Variants in DAB1 observed in about 807,000 individuals in gnomAD.
The protein encoded by DAB1 is DAB adaptor protein 1, also known as disabled homolog 1.
Under a neutral mutation model 64.6 loss-of-function variants are expected in DAB1, and 15 were observed. The observed-to-expected ratio is 0.23, with a 90% CI of 0.16 to 0.36. DAB1 has a LOEUF of 0.36. DAB1 is among the 10% of genes least tolerant of loss of function. The pLI is 1.00. For synonymous variants in DAB1, 235 were observed against 251.9 expected (o/e 0.93, Z 0.64); for missense variants, 596 against 706.7 (o/e 0.84, Z 1.78).
At chr1:57,799,401 G>A (rs987337426) in intron 6 of DAB1, among the ~76,000 whole-genome samples, 2 of 152,058 alleles carry the variant, frequency 1.3e-5, no homozygotes, top group Non-Finnish European at 2.9e-5. Context: ...TGAAAAGAGT[G>A]GATGGAACTC....
At chr1:58,007,984 T>G (rs1009963746) in intron 5 of DAB1, among the ~76,000 whole-genome samples, 27 of 152,166 alleles carry the variant, frequency 1.8e-4, no homozygotes, top group African/African-American at 6.5e-4. Flanking sequence ...TGTCAAGCAC[T>G]GTGTATGGGA....
At chr1:57,056,622 T>C (rs555053) in intron 9 of DAB1, among the ~76,000 whole-genome samples, 14 of 152,028 alleles carry the variant, frequency 9.2e-5, no homozygotes, top group African/African-American at 2.9e-4. Flanking sequence ...CCCAGCACTT[T>C]GGGAGACTGA....
chr1:57,010,714 C>A lies in DAB1; in HGVS notation c.1649G>T (p.Ser550Ile). The A allele has an allele frequency of 6.3e-7, 1 of 1,588,554 alleles. No individual in the cohort carries two copies. The highest frequency in any genetic ancestry group is 8.6e-7 in the Non-Finnish European group (1 of 1,164,352). The change falls in exon 14 of 15, where the codon AGT (serine) becomes ATT (isoleucine). Residue 550 changes from serine (S) to isoleucine (I), a missense_variant. Ser to Ile is a moderately radical substitution (Grantham distance 142). Around this residue, in one of 3 missense-constraint regions of DAB1, gnomAD observed 377 missense variants for 400.4 expected, o/e 0.94. Transcript: ENST00000371236. ...CGCTATCTAGCTACCGGCCTGTGGA[C>A]TTATATTATCACCACTGGGCTCCCC... is the stretch of plus-strand genomic sequence containing the variant. ...PSGEPSGDNI[S>I]PQAGS
At chr1:58,430,083 C>A (rs1644856175) in intron 3 of DAB1, among the ~76,000 whole-genome samples, 2 of 152,312 alleles carry the variant, frequency 1.3e-5, no homozygotes, top group African/African-American at 4.8e-5. Flanking sequence ...ATCTAATCAC[C>A]TCCTAAAGGC....
intron 7 of DAB1, among the ~76,000 whole-genome samples, chr1:57,614,521 C>T (rs574870071): frequency 1.1e-4 from 17 of 152,164 alleles, no homozygotes; most frequent in Non-Finnish European, 2.4e-4. Context: ...AAGTTTATTC[C>T]TCCCTCCCAC....
chr1:57,029,251 G>T (rs1205831321), intron 9 of DAB1, among the ~76,000 whole-genome samples: 1 of 152,206 alleles, frequency 6.6e-6, no homozygotes, highest in African/African-American at 2.4e-5. Flanking sequence ...CTTCCATGTG[G>T]TATTGAGTCT....
At chr1:57,684,058 G>A (rs1381385130) in intron 6 of DAB1, among the ~76,000 whole-genome samples, 1 of 151,806 alleles carries the variant, frequency 6.6e-6, no homozygotes, top group Non-Finnish European at 1.5e-5. Context: ...AACTCAGTCA[G>A]ACAAAAATAA....
chr1:57,531,537 G>A (rs1644663734), intron 7 of DAB1, among the ~76,000 whole-genome samples: 1 of 152,182 alleles, frequency 6.6e-6, no homozygotes, highest in South Asian at 2.1e-4. Flanking sequence ...GGTGAACAAG[G>A]AAGAGAAGTA....
Position 57,119,153 on chromosome 1 carries a change from T to C in DAB1, c.306+17390A>G, listed in dbSNP as rs1408141072. Among the ~76,000 whole-genome samples the C allele has an allele frequency of 2.6e-5, 4 of 152,312 alleles. No homozygotes were observed. The South Asian group carries it at 6.2e-4, about 24-fold the overall frequency. ...ATTTGATTCTCTTCAACTATTTACA[T>C]ACAGGGCAGTTCCCTCCCTGACTTC... On this transcript the variant is annotated intron_variant, in intron 4 of 14. Coordinates refer to ENST00000371236, the MANE Select transcript of DAB1 (RefSeq NM_001365792.1).
intron 4 of DAB1, among the ~76,000 whole-genome samples, chr1:58,242,499 T>C (rs547138240): frequency 1.6e-4 from 24 of 152,280 alleles, no homozygotes; most frequent in Non-Finnish European, 3.1e-4. Flanking sequence ...CTACATATGC[T>C]AGTAGTTATA....
intron 3 of DAB1, among the ~76,000 whole-genome samples, chr1:58,430,261 A>G (rs960270026): frequency 6.6e-6 from 1 of 152,266 alleles, no homozygotes; most frequent in East Asian, 1.9e-4. Flanking sequence ...TGAAAAGTCT[A>G]GCATAGTGCA....
intron 3 of DAB1, among the ~76,000 whole-genome samples, chr1:58,356,221 G>A (rs557701577): frequency 6.6e-6 from 1 of 152,196 alleles, no homozygotes; most frequent in East Asian, 1.9e-4. Context: ...CCAACCCTGG[G>A]CAGCCAGAGA....
chr1:57,455,003 C>A (rs1229771796), intron 7 of DAB1, among the ~76,000 whole-genome samples: 2 of 151,976 alleles, frequency 1.3e-5, no homozygotes, highest in Non-Finnish European at 2.9e-5. Flanking sequence ...GAGAGGGCAA[C>A]TTTGTCTAAT....
rs937485574 is a variant in DAB1 at position 57,128,361 on chromosome 1, C to T, written c.306+8182G>A. ...AATGCCAAAGGGCTCATGGACCCAT[C>T]GTGGGATCACAATGAGAAAATTAGA... On this transcript the variant is annotated intron_variant, in intron 4 of 14. Coordinates refer to ENST00000371236, the MANE Select transcript of DAB1 (RefSeq NM_001365792.1). Among the ~76,000 whole-genome samples, 9 of 151,888 alleles carry T rather than the reference C, an allele frequency of 5.9e-5. No individual in the cohort carries two copies. The East Asian group carries it at 1.8e-3, about 30-fold the overall frequency.
chr1:57,485,012 G>A (rs1234794436), intron 7 of DAB1, among the ~76,000 whole-genome samples: 1 of 152,200 alleles, frequency 6.6e-6, no homozygotes, highest in Non-Finnish European at 1.5e-5. Flanking sequence ...CACAAATTGT[G>A]TCAAGTTGAA....
chr1:58,219,025 CTGTGTGTG>C (rs56151181), intron 4 of DAB1, among the ~76,000 whole-genome samples: 2 of 129,474 alleles, frequency 1.5e-5, no homozygotes, highest in Non-Finnish European at 3.1e-5. Context: ...CTCTCTCTCT[CTGTGTGTG>C]TGTGTGTGTG....
chr1:57,569,662 G>A (rs1645169864), intron 7 of DAB1, among the ~76,000 whole-genome samples: 1 of 151,828 alleles, frequency 6.6e-6, no homozygotes, highest in Non-Finnish European at 1.5e-5. Context: ...CAAGTTAATG[G>A]GGGCATCACA....
At chr1:57,630,559 A>C (rs1029790505) in intron 7 of DAB1, among the ~76,000 whole-genome samples, 9 of 152,160 alleles carry the variant, frequency 5.9e-5, no homozygotes, top group African/African-American at 2.2e-4. Context: ...TGTTTTTAGA[A>C]TCCAAAGAAC....
intron 1 of DAB1, among the ~76,000 whole-genome samples, chr1:57,322,509 CA>C (rs1675806338): frequency 1.3e-5 from 2 of 152,236 alleles, no homozygotes; most frequent in Non-Finnish European, 1.5e-5. Flanking sequence ...TTTGGCCAAC[CA>C]AAAACCTTCT....
Sources: allele counts gnomAD v4.1 joint callset (sites outside exome capture counted in the v4.1 genomes callset), GRCh38; gene constraint gnomAD v4.1.1; regional missense constraint gnomAD v4.1.1; transcripts MANE v1.5; gene names NCBI Gene and HGNC (gene_info 2026-07-23, HGNC 2026-07-21).